Variants in GRIK1 observed in about 807,000 individuals in gnomAD.
GRIK1 encodes glutamate ionotropic receptor kainate type subunit 1.
GRIK1 carries 69 observed loss-of-function variants against 105.7 expected under a neutral mutation model. That is an observed-to-expected ratio of 0.65 (90% CI 0.54 to 0.80). The LOEUF is 0.80. Ranked by LOEUF, GRIK1 falls within the 30% of genes least tolerant of loss-of-function variation. The pLI, the probability that GRIK1 is intolerant of heterozygous loss-of-function variation, is 0.00. For synonymous variants in GRIK1, 438 were observed against 431.3 expected (o/e 1.02, Z -0.19); for missense variants, 1,109 against 1,167.3 (o/e 0.95, Z 0.73).
At chr21:29,728,778 A>T (rs1422129737) in intron 1 of GRIK1, among the ~76,000 whole-genome samples, 1 of 152,336 alleles carries the variant, frequency 6.6e-6, no homozygotes, top group Non-Finnish European at 1.5e-5. Flanking sequence ...ACAAGGGAAG[A>T]TAAAACAATA....
intron 7 of GRIK1, among the ~76,000 whole-genome samples, chr21:29,623,725 G>A (rs1276348060): frequency 6.6e-6 from 1 of 152,124 alleles, no homozygotes; most frequent in East Asian, 1.9e-4. Context: ...AGTTCATACT[G>A]AAATAAATAA....
At chr21:29,767,190 G>C (rs140165747) in intron 1 of GRIK1, among the ~76,000 whole-genome samples, 17 of 152,296 alleles carry the variant, frequency 1.1e-4, no homozygotes, top group Non-Finnish European at 1.0e-4. Flanking sequence ...GAATATTAAT[G>C]CATCATAAAA....
At chr21:29,855,303 G>T (rs1336230089) in intron 1 of GRIK1, among the ~76,000 whole-genome samples, 1 of 152,182 alleles carries the variant, frequency 6.6e-6, no homozygotes, top group Non-Finnish European at 1.5e-5. Flanking sequence ...TACATATAAA[G>T]TCTATAGAGA....
chr21:29,707,437 T>TCCCC (rs2063935196), intron 1 of GRIK1, among the ~76,000 whole-genome samples: 2 of 51,054 alleles, frequency 3.9e-5, no homozygotes, highest in African/African-American at 8.0e-5. Flanking sequence ...CCTTCCTCCC[T>TCCCC]CCCTCCCTCC....
intron 1 of GRIK1, among the ~76,000 whole-genome samples, chr21:29,752,103 G>A (rs1278868208): frequency 6.6e-6 from 1 of 152,192 alleles, no homozygotes; most frequent in Non-Finnish European, 1.5e-5. Context: ...CGTCTCCAAA[G>A]TTTCCCTCTG....
In GRIK1 at chr21:29,656,917, C is replaced by T. The variant is rs1029332920; in HGVS notation, c.727-2054G>A. Among the ~76,000 whole-genome samples the T allele has an allele frequency of 3.9e-5, 6 of 152,116 alleles. No homozygotes were observed. The South Asian group carries it at 1.2e-3, about 32-fold the overall frequency. On this transcript the variant is annotated intron_variant, in intron 4 of 17. Coordinates refer to ENST00000327783, the MANE Select transcript of GRIK1 (RefSeq NM_001330994.2). The stretch of plus-strand genomic sequence containing the variant: ...GACAGGAAACTCCATGAATCATCAG[C>T]CCACAGGATATAAGTCACTCCTACG...
At chr21:29,572,893 C>G (rs1163159576) in intron 14 of GRIK1, among the ~76,000 whole-genome samples, 1 of 152,242 alleles carries the variant, frequency 6.6e-6, no homozygotes, top group East Asian at 1.9e-4. Flanking sequence ...GCCTCAGCCT[C>G]CCGAGTAGCT....
chr21:29,845,788 C>T (rs1286330460), intron 1 of GRIK1, among the ~76,000 whole-genome samples: 1 of 151,898 alleles, frequency 6.6e-6, no homozygotes, highest in Non-Finnish European at 1.5e-5. Flanking sequence ...TTTCATTTTT[C>T]TATGGAATTA....
chr21:29,739,431 G>T (rs901620325), intron 1 of GRIK1, among the ~76,000 whole-genome samples: 1 of 152,176 alleles, frequency 6.6e-6, no homozygotes, highest in African/African-American at 2.4e-5. Flanking sequence ...GAGAATATTT[G>T]TAGGGCTTGT....
intron 1 of GRIK1, among the ~76,000 whole-genome samples, chr21:29,913,278 G>C (rs2070881357): frequency 6.6e-6 from 1 of 152,036 alleles, no homozygotes; most frequent in Non-Finnish European, 1.5e-5. Context: ...CTGAAGTAAT[G>C]AAAACCTGTC....
chr21:29,907,872 T>C (rs1298299840), intron 1 of GRIK1, among the ~76,000 whole-genome samples: 8 of 152,144 alleles, frequency 5.3e-5, no homozygotes, highest in Admixed American at 1.3e-4. Flanking sequence ...CCATTCTGTG[T>C]TAAAAACCAA....
chr21:29,842,608 G>C (rs1268996723), intron 1 of GRIK1, among the ~76,000 whole-genome samples: 1 of 152,148 alleles, frequency 6.6e-6, no homozygotes, highest in African/African-American at 2.4e-5. Context: ...CATGTAGGAC[G>C]GTCAATTCCA....
At chr21:29,603,744 A>G (rs1394418272) in intron 7 of GRIK1, among the ~76,000 whole-genome samples, 2 of 152,294 alleles carry the variant, frequency 1.3e-5, no homozygotes, top group East Asian at 3.9e-4. Flanking sequence ...TATCTGTCTG[A>G]GAGCTGAGAA....
intron 17 of GRIK1, 109 bp from the exon 18 acceptor site, chr21:29,537,494 G>T: frequency 1.1e-6 from 1 of 883,524 alleles, no homozygotes. Context: ...CTTGAAGGCA[G>T]CTCTGTCACA....
chr21:29,610,930 G>T (rs549502547), intron 7 of GRIK1, among the ~76,000 whole-genome samples: 27 of 152,216 alleles, frequency 1.8e-4, no homozygotes, highest in Non-Finnish European at 3.1e-4. Context: ...CATATCCAGA[G>T]GCTTCCATGG....
chr21:29,835,871 G>C (rs1474485530), intron 1 of GRIK1, among the ~76,000 whole-genome samples: 1 of 152,034 alleles, frequency 6.6e-6, no homozygotes, highest in Non-Finnish European at 1.5e-5. Flanking sequence ...GGTGATTTTG[G>C]TACAGTCTGA....
At chr21:29,706,232 T>G (rs570036291) in intron 1 of GRIK1, among the ~76,000 whole-genome samples, 1 of 152,352 alleles carries the variant, frequency 6.6e-6, no homozygotes, top group South Asian at 2.1e-4. Flanking sequence ...TGTATATTTC[T>G]GTTTCAGCAT....
intron 1 of GRIK1, chr21:29,748,709 T>C (rs541972130): frequency 1.3e-5 from 2 of 152,342 alleles, no homozygotes; most frequent in East Asian, 3.9e-4. Flanking sequence ...ATTACACACA[T>C]GAGAACTCAA....
intron 1 of GRIK1, among the ~76,000 whole-genome samples, chr21:29,911,397 T>C (rs2070811063): frequency 6.6e-6 from 1 of 152,042 alleles, no homozygotes; most frequent in Non-Finnish European, 1.5e-5. Flanking sequence ...CTGTTTCAGA[T>C]TGAGGAAGAT....
Sources: gnomAD v4.1 joint callset for allele counts (sites outside exome capture counted in the v4.1 genomes callset) on GRCh38, gnomAD v4.1.1 for gene constraint, MANE v1.5 for transcripts, NCBI Gene and HGNC (gene_info 2026-07-23, HGNC 2026-07-21) for gene names.